Variants in CAPZB observed in about 807,000 individuals in gnomAD.
CAPZB encodes F-actin-capping protein subunit beta.
Under a neutral mutation model 38.1 loss-of-function variants are expected in CAPZB, and 2 were observed. That is an observed-to-expected ratio of 0.05 (90% confidence interval 0.02 to 0.17). The LOEUF (loss-of-function observed/expected upper bound fraction) is 0.17, where lower values mean the gene tolerates loss of function less well. Ranked by LOEUF, CAPZB falls within the 10% of genes least tolerant of loss-of-function variation. The pLI is 1.00. For synonymous variants in CAPZB, 107 were observed against 127.4 expected, an observed-to-expected ratio of 0.84 and a Z score of 1.08; for missense variants, 161 against 334.2, an observed-to-expected ratio of 0.48 and a Z score of 4.04.
chr1:19,357,359 G>A lies in CAPZB; in HGVS notation c.471+63C>T, dbSNP rs142951491. ...TACTGCATCTGTTAGAGAGCAGCGCGGCACTGGTTGGTGTGCCATCTGTAC... is the reference window on the plus strand; with the variant it reads ...TACTGCATCTGTTAGAGAGCAGCGCAGCACTGGTTGGTGTGCCATCTGTAC... On this transcript the variant is annotated intron_variant, in intron 5 of 8. Transcript: ENST00000264202. The surrounding 1 kb of genome is among the most constrained non-coding windows in gnomAD (Gnocchi z 4.3). 149 of 1,493,028 alleles carry A rather than the reference G, an allele frequency of 1.0e-4. No homozygotes were observed. The highest frequency in any genetic ancestry group is 8.1e-4 in the African/African-American group (59 of 72,586). The allele number at this position is 1,493,028 out of a possible 1,614,324, so 92.5% of individuals were successfully genotyped here. A position where few individuals can be genotyped will look rare whatever the true frequency, so the allele number is the denominator to read the frequency against.
At chr1:19,413,175 G>T (rs1227746751) in intron 2 of CAPZB, among the ~76,000 whole-genome samples, 1 of 152,196 alleles carries the variant, frequency 6.6e-6, no homozygotes, top group Non-Finnish European at 1.5e-5. Flanking sequence ...GGATCAAGCT[G>T]AAGAATCCTT....
At chr1:19,472,110 T>C (rs1216011788) in intron 1 of CAPZB, among the ~76,000 whole-genome samples, 2 of 152,180 alleles carry the variant, frequency 1.3e-5, no homozygotes, top group Admixed American at 6.5e-5. Flanking sequence ...AGTTAGAAGG[T>C]TGATAAACGC....
At chr1:19,412,118 G>A (rs1012822586) in intron 2 of CAPZB, among the ~76,000 whole-genome samples, 10 of 152,194 alleles carry the variant, frequency 6.6e-5, no homozygotes, top group Non-Finnish European at 2.9e-5. Flanking sequence ...GCTTTTGGCT[G>A]GAATGTTTTT....
chr1:19,342,156 T>A (rs2093932719), intron 8 of CAPZB, among the ~76,000 whole-genome samples: 1 of 152,220 alleles, frequency 6.6e-6, no homozygotes, highest in African/African-American at 2.4e-5. Flanking sequence ...TTATGCTGGT[T>A]GTGGCCGAGT....
chr1:19,347,537 C>T (rs941769920), intron 6 of CAPZB, among the ~76,000 whole-genome samples: 1 of 152,150 alleles, frequency 6.6e-6, no homozygotes, highest in Non-Finnish European at 1.5e-5. Context: ...CTGGCAACAC[C>T]GACCCACCAA....
At chr1:19,407,933 A>G (rs756997438) in intron 2 of CAPZB, among the ~76,000 whole-genome samples, 5 of 152,184 alleles carry the variant, frequency 3.3e-5, no homozygotes, top group African/African-American at 4.8e-5. Context: ...CCAGCCAGCC[A>G]AAGTCTGGAG....
At chr1:19,388,769 G>C (rs887357064) in intron 2 of CAPZB, among the ~76,000 whole-genome samples, 1 of 152,214 alleles carries the variant, frequency 6.6e-6, no homozygotes, top group Non-Finnish European at 1.5e-5. Context: ...CAAAGCCCAA[G>C]ACTGTTCATT....
chr1:19,343,614 C>G (rs2093944703), intron 8 of CAPZB, among the ~76,000 whole-genome samples: 1 of 152,234 alleles, frequency 6.6e-6, no homozygotes, highest in Non-Finnish European at 1.5e-5. Context: ...GGCCTCCTGA[C>G]TCTCCTGACT....
intron 1 of CAPZB, among the ~76,000 whole-genome samples, chr1:19,424,965 A>G (rs1249133392): frequency 6.6e-6 from 1 of 152,220 alleles, no homozygotes; most frequent in Non-Finnish European, 1.5e-5. Context: ...TGTCCATAAA[A>G]CAGCAAATAA....
chr1:19,342,748 G>A, intron 8 of CAPZB: 1 of 1,588,962 alleles, frequency 6.3e-7, no homozygotes, highest in Non-Finnish European at 8.6e-7. Context: ...CTCAGGCAGG[G>A]TACCTGGATC....
chr1:19,430,610 G>A (rs952064620), intron 1 of CAPZB, among the ~76,000 whole-genome samples: 3 of 152,118 alleles, frequency 2.0e-5, no homozygotes, highest in Admixed American at 6.5e-5. Flanking sequence ...GAGTATGCAG[G>A]GGTTTATTCT....
At chr1:19,451,685 C>T (rs1237901478) in intron 1 of CAPZB, among the ~76,000 whole-genome samples, 2 of 151,834 alleles carry the variant, frequency 1.3e-5, no homozygotes, top group Non-Finnish European at 2.9e-5. Context: ...AAGGCTAGGA[C>T]CAGGGGGTGA....
chr1:19,373,496 C>T (rs180712355), intron 4 of CAPZB, among the ~76,000 whole-genome samples: 14 of 152,252 alleles, frequency 9.2e-5, no homozygotes, highest in East Asian at 7.7e-4. Context: ...ACAGAATCTA[C>T]GTCTTTCCCT....
intron 1 of CAPZB, among the ~76,000 whole-genome samples, chr1:19,457,696 C>T (rs55967673): frequency 0.18 from 27,452 of 152,082 alleles, 2,730 homozygotes; most frequent in South Asian, 0.29. Context: ...ACACTGCGGA[C>T]GGTGTTATGA....
chr1:19,440,828 A>C (rs2094473599), intron 1 of CAPZB, among the ~76,000 whole-genome samples: 1 of 152,230 alleles, frequency 6.6e-6, no homozygotes, highest in Non-Finnish European at 1.5e-5. Context: ...TGGGAGGCCG[A>C]GGAGGGCAGA....
rs907817585 is a variant in CAPZB, at chr1:19,366,030, A to G, written c.330-8467T>C. Among the ~76,000 whole-genome samples, 5 of 148,094 alleles carry G rather than the reference A, an allele frequency of 3.4e-5. No homozygotes were observed. In the East Asian group the frequency reaches 1.1e-3, roughly 31 times the overall value. ...GCTAAGCTAGGAACCTGGGCCCTCA[A>G]ACAGCTCCAACATGTAAGATTCCAC... On this transcript the variant is annotated intron_variant, in intron 4 of 8. Coordinates refer to ENST00000264202, the MANE Select transcript of CAPZB (RefSeq NM_004930.5).
intron 1 of CAPZB, among the ~76,000 whole-genome samples, chr1:19,446,391 A>G (rs943020101): frequency 1.8e-4 from 28 of 152,360 alleles, no homozygotes; most frequent in African/African-American, 5.8e-4. Flanking sequence ...GAGCCATGTA[A>G]GAAGTAAAGG....
chr1:19,438,488 C>A (rs2094465367), intron 1 of CAPZB, among the ~76,000 whole-genome samples: 1 of 152,134 alleles, frequency 6.6e-6, no homozygotes, highest in African/African-American at 2.4e-5. Context: ...CTTAAGTAAC[C>A]CCATAGCATG....
chr1:19,403,712 C>G (rs1444153376), intron 2 of CAPZB, among the ~76,000 whole-genome samples: 1 of 152,220 alleles, frequency 6.6e-6, no homozygotes, highest in Non-Finnish European at 1.5e-5. Flanking sequence ...CAGGGAGGAG[C>G]AGTAGCAATA....
Sources: gnomAD v4.1 joint callset for allele counts (sites outside exome capture counted in the v4.1 genomes callset) on GRCh38, gnomAD v4.1.1 for gene constraint, Gnocchi (gnomAD v3.1) non-coding constraint, MANE v1.5 for transcripts, NCBI Gene and HGNC (gene_info 2026-07-23, HGNC 2026-07-21) for gene names.